The following NEXMIF variants were observed in gnomAD, a reference collection of about 807,000 sequenced individuals.
NEXMIF encodes the protein XLMR protein related to neurite extension.
In NEXMIF, 8 loss-of-function variants were observed where a neutral mutation model predicts 62.1. The observed-to-expected ratio is 0.13, with a 90% CI of 0.08 to 0.23. NEXMIF has a LOEUF of 0.23. NEXMIF is among the 10% of genes least tolerant of loss of function. The probability of loss-of-function intolerance (pLI) is 1.00; values close to 1 mark genes in which losing one functional copy is unlikely to be tolerated. For synonymous variants in NEXMIF, 404 were observed against 416.6 expected, an observed-to-expected ratio of 0.97 and a Z score of 0.37; for missense variants, 976 against 1,113.3, an observed-to-expected ratio of 0.88 and a Z score of 1.75.
chrX:74,914,532 T>C (rs2080800376), intron 1 of NEXMIF, among the ~76,000 whole-genome samples: 6 of 110,790 alleles, frequency 5.4e-5, no homozygotes, highest in Admixed American at 4.8e-4. Context: ...ATTAGAAAAA[T>C]TGACCAGGCA....
At chrX:74,826,725 C>T (rs1238212557) in intron 1 of NEXMIF, among the ~76,000 whole-genome samples, 3 of 110,930 alleles carry the variant, frequency 2.7e-5, no homozygotes, top group African/African-American at 6.6e-5. Context: ...GTGTTTTTTT[C>T]AAGTAATTTT....
At chrX:74,856,137 T>C (rs895496540) in intron 1 of NEXMIF, among the ~76,000 whole-genome samples, 2 of 111,973 alleles carry the variant, frequency 1.8e-5, no homozygotes, top group African/African-American at 6.5e-5. Context: ...AAACCAGTTA[T>C]TATAAATATG....
At chrX:74,828,923 C>G (rs940796510) in intron 1 of NEXMIF, among the ~76,000 whole-genome samples, 2 of 111,962 alleles carry the variant, frequency 1.8e-5, no homozygotes, top group African/African-American at 6.5e-5. Context: ...AAAACTAAAG[C>G]ACTCATGACC....
chrX:74,911,797 T>C (rs1181369569), intron 1 of NEXMIF, among the ~76,000 whole-genome samples: 4 of 112,472 alleles, frequency 3.6e-5, no homozygotes, highest in African/African-American at 1.3e-4. Flanking sequence ...TATCTTAACA[T>C]GTCAAAGCCA....
intron 1 of NEXMIF, among the ~76,000 whole-genome samples, chrX:74,904,726 C>T (rs2080761230): frequency 9.0e-6 from 1 of 110,926 alleles, no homozygotes; most frequent in African/African-American, 3.3e-5. Context: ...CTCTCCCCAC[C>T]GCTCTTTTTT....
At position 74,740,776 on chromosome X, in the gene NEXMIF, A is replaced by T; in HGVS notation, c.3781T>A (p.Cys1261Ser). 1 of 1,211,855 alleles carries T rather than the reference A, an allele frequency of 8.3e-7. No individual in the cohort carries two copies. The highest frequency in any genetic ancestry group is 1.8e-5 in the South Asian group (1 of 57,000). ...ISSTGKTLAECIQHGGPMASM... is the reference protein window; with the variant it reads ...ISSTGKTLAESIQHGGPMASM... Reference sequence around the variant, plus strand: ...GCCATAGGGCCACCATGTTGGATACATTCAGCCAATGTCTTCCCAGTGGAG... The same window carrying T: ...GCCATAGGGCCACCATGTTGGATACTTTCAGCCAATGTCTTCCCAGTGGAG... Residue 1261 changes from cysteine (C) to serine (S), a missense_variant, in exon 3 of 4, where the codon TGT (cysteine) becomes AGT (serine). Cys to Ser is a moderately radical substitution (Grantham distance 112). Transcript: ENST00000055682.
At chrX:74,836,544 T>C (rs528325758) in intron 1 of NEXMIF, among the ~76,000 whole-genome samples, 1 of 110,887 alleles carries the variant, frequency 9.0e-6, no homozygotes, top group Non-Finnish European at 1.9e-5. Flanking sequence ...AAGGCAGCAG[T>C]TTCTCTTTTG....
chrX:74,774,805 G>C (rs1161258465), intron 1 of NEXMIF, among the ~76,000 whole-genome samples: 1 of 111,679 alleles, frequency 9.0e-6, no homozygotes, highest in African/African-American at 3.3e-5. Flanking sequence ...TGAGTAAGAT[G>C]ATGAGTCAAA....
chrX:74,739,920 A>C, intron 3 of NEXMIF, 180 bp downstream of exon 3: 1 of 438,049 alleles, frequency 2.3e-6, no homozygotes, highest in Non-Finnish European at 3.9e-6. Context: ...GGGTGGCTTA[A>C]AGGTATAGGG....
chrX:74,794,026 C>T (rs1321582015), intron 1 of NEXMIF, among the ~76,000 whole-genome samples: 16 of 84,742 alleles, frequency 1.9e-4, no homozygotes, highest in African/African-American at 5.7e-4. Context: ...TGAGGAACTG[C>T]GTTCCTTTGG....
intron 1 of NEXMIF, among the ~76,000 whole-genome samples, chrX:74,804,119 A>G (rs966210340): frequency 1.8e-5 from 2 of 112,488 alleles, no homozygotes; most frequent in African/African-American, 6.4e-5. Flanking sequence ...TATAGATAGT[A>G]CAATAAGATA....
At chrX:74,803,887 T>G (rs1255022784) in intron 1 of NEXMIF, among the ~76,000 whole-genome samples, 1 of 111,451 alleles carries the variant, frequency 9.0e-6, no homozygotes, top group Non-Finnish European at 1.9e-5. Flanking sequence ...CAACACCAGA[T>G]TTCTCCTACA....
intron 1 of NEXMIF, among the ~76,000 whole-genome samples, chrX:74,791,374 T>G (rs2080281999): frequency 9.0e-6 from 1 of 111,520 alleles, no homozygotes; most frequent in African/African-American, 3.3e-5. Context: ...CTGGATTCGG[T>G]TTGCCAGTAT....
chrX:74,877,402 TTCTC>T (rs2080640724), intron 1 of NEXMIF, among the ~76,000 whole-genome samples: 1 of 111,546 alleles, frequency 9.0e-6, no homozygotes, highest in African/African-American at 3.3e-5. Flanking sequence ...TAACCGACCT[TTCTC>T]TCTGGCTGCC....
intron 1 of NEXMIF, among the ~76,000 whole-genome samples, chrX:74,822,453 A>G (rs754045084): frequency 8.9e-6 from 1 of 112,572 alleles, no homozygotes; most frequent in Admixed American, 9.4e-5. Context: ...ATGGAGAAAC[A>G]ACTCACAGAA....
In NEXMIF at chrX:74,741,535, A is replaced by G. The variant is rs760616317; in HGVS notation, c.3022T>C (p.Ser1008Pro). 9 of 1,209,830 alleles carry G rather than the reference A, an allele frequency of 7.4e-6. No homozygotes were observed. The highest frequency in any genetic ancestry group is 1.0e-5 in the Non-Finnish European group (9 of 895,210). Residue 1008 changes from serine (S) to proline (P), a missense_variant, in exon 3 of 4, where the codon TCC (serine) becomes CCC (proline). This residue lies in a region of NEXMIF where 639 missense variants were observed against 694.5 expected (regional missense o/e 0.92). Transcript: ENST00000055682. ...PLSVSSSNYC[S>P]LSLKSCEKDG... ...TTTTCACAGGACTTCAAGCTTAAGGAGCAATAATTACTTGAGCTGACAGAG... is the reference window on the plus strand; with the variant it reads ...TTTTCACAGGACTTCAAGCTTAAGGGGCAATAATTACTTGAGCTGACAGAG...
chrX:74,908,487 C>T (rs980357932), intron 1 of NEXMIF, among the ~76,000 whole-genome samples: 6 of 112,546 alleles, frequency 5.3e-5, no homozygotes, highest in Non-Finnish European at 9.4e-5. Context: ...GATTAATTCA[C>T]TTACCTGCTT....
chrX:74,903,383 C>CACACACACACACACAG (rs1384416559), intron 1 of NEXMIF, among the ~76,000 whole-genome samples: 2 of 102,276 alleles, frequency 2.0e-5, no homozygotes, highest in East Asian at 5.9e-4. Context: ...CACACACACA[C>CACACACACACACACAG]ACAGACCTGA....
chrX:74,752,138 T>G (rs1164454650), intron 1 of NEXMIF, among the ~76,000 whole-genome samples: 1 of 111,620 alleles, frequency 9.0e-6, no homozygotes, highest in African/African-American at 3.3e-5. Context: ...TGAAACTAAT[T>G]ACATGTACTA....
Sources: allele counts gnomAD v4.1 joint callset (sites outside exome capture counted in the v4.1 genomes callset), GRCh38; gene constraint gnomAD v4.1.1; regional missense constraint gnomAD v4.1.1; transcripts MANE v1.5; gene names NCBI Gene and HGNC (gene_info 2026-07-23, HGNC 2026-07-21).